Variants in DDX59 observed in about 807,000 individuals in gnomAD.
The protein encoded by DDX59 is DEAD-box helicase 59, also known as probable ATP-dependent RNA helicase DDX59.
A neutral mutation model predicts 51.9 loss-of-function variants in DDX59; 30 were observed. The ratio of observed to expected loss-of-function variants is 0.58; its 90% confidence interval spans 0.43 to 0.78. The LOEUF (loss-of-function observed/expected upper bound fraction) is 0.78. DDX59 is among the 30% of genes least tolerant of loss of function. DDX59 has a pLI of 0.00. For synonymous variants in DDX59, 255 were observed against 253.3 expected (o/e 1.01, Z -0.06); for missense variants, 672 against 730.8 (o/e 0.92, Z 0.93).
At chr1:200,656,937 C>A (rs1040036605) in intron 4 of DDX59, among the ~76,000 whole-genome samples, 2 of 151,908 alleles carry the variant, frequency 1.3e-5, no homozygotes, top group Admixed American at 1.3e-4. Context: ...TGGAAACTAA[C>A]CTTAAAATCC....
At chr1:200,667,923 C>A (rs868731993) in intron 1 of DDX59, among the ~76,000 whole-genome samples, 1 of 151,786 alleles carries the variant, frequency 6.6e-6, no homozygotes, top group East Asian at 1.9e-4. Flanking sequence ...TAGTAATATA[C>A]ATAACATAGC....
At chr1:200,654,162 C>T (rs1424758324) in intron 4 of DDX59, among the ~76,000 whole-genome samples, 2 of 152,152 alleles carry the variant, frequency 1.3e-5, no homozygotes, top group Admixed American at 6.5e-5. Context: ...GCCTGTAATC[C>T]CAGCACTTTG....
downstream of DDX59, among the ~76,000 whole-genome samples, chr1:200,643,642 CAAAACAAAAACA>C (rs920557370): frequency 2.6e-5 from 4 of 151,636 alleles, no homozygotes; most frequent in Non-Finnish European, 2.9e-5. Flanking sequence ...GACTCTGTCT[CAAAACAAAAACA>C]AAAACAAAAA....
chr1:200,663,885 C>A, intron 3 of DDX59, 34 bp downstream of exon 3: 1 of 1,488,146 alleles, frequency 6.7e-7, no homozygotes, highest in Non-Finnish European at 8.9e-7. Flanking sequence ...GCTTACAAAA[C>A]TTTTCAAAGA....
chr1:200,668,684 T>C (rs938580677), intron 1 of DDX59, among the ~76,000 whole-genome samples: 2 of 152,220 alleles, frequency 1.3e-5, no homozygotes, highest in African/African-American at 4.8e-5. Flanking sequence ...CTCCCCTTGT[T>C]TTCCCTCCTT....
intron 1 of DDX59, 128 bp downstream of exon 1, chr1:200,669,639 C>G (rs895576515): frequency 1.3e-5 from 2 of 152,274 alleles, no homozygotes; most frequent in African/African-American, 4.8e-5. Flanking sequence ...GCCTGGGACA[C>G]GGGGAACTGT....
Position 200,665,277 on chromosome 1 carries a change from G to A in DDX59, c.804+660C>T, listed in dbSNP as rs1036373149. ...TCGAGACCAGCCTGACCAATAAGGAGAAACACTGTCTCTACTAAAAATACA... is the reference window on the plus strand; with the variant it reads ...TCGAGACCAGCCTGACCAATAAGGAAAAACACTGTCTCTACTAAAAATACA... On this transcript the variant is annotated intron_variant, in intron 2 of 7. Coordinates refer to ENST00000331314, the MANE Select transcript of DDX59 (RefSeq NM_001031725.6). Among the ~76,000 whole-genome samples the A allele has an allele frequency of 1.6e-4, 25 of 152,176 alleles. 1 individual carries two copies. Among genetic ancestry groups the A allele is most frequent in the African/African-American group, 5.5e-4 (23 of 41,508 alleles).
chr1:200,648,696 G>A, intron 6 of DDX59, 129 bp from the exon 7 acceptor site: 2 of 1,094,724 alleles, frequency 1.8e-6, no homozygotes, highest in Non-Finnish European at 2.5e-6. Context: ...AATAAGTAAA[G>A]GTCATAGTAT....
chr1:200,643,526 C>A (rs890263484), downstream of DDX59, among the ~76,000 whole-genome samples: 5 of 151,940 alleles, frequency 3.3e-5, no homozygotes, highest in African/African-American at 9.7e-5. Flanking sequence ...GCCTGTAGTT[C>A]CAGCTACTTG....
At chr1:200,664,891 T>C (rs968489670) in intron 2 of DDX59, among the ~76,000 whole-genome samples, 5 of 152,132 alleles carry the variant, frequency 3.3e-5, no homozygotes, top group African/African-American at 1.2e-4. Context: ...ACCAGGCCGG[T>C]CTTGAACTCT....
intron 4 of DDX59, chr1:200,654,957 CCT>C (rs1661919392): frequency 6.6e-6 from 1 of 152,170 alleles, no homozygotes; most frequent in African/African-American, 2.4e-5. Flanking sequence ...AGCCCTAGCC[CCT>C]GCCTCTGTTT....
At chr1:200,663,823 A>G in intron 3 of DDX59, 96 bp downstream of exon 3, 1 of 1,297,566 alleles carries the variant, frequency 7.7e-7, no homozygotes. Flanking sequence ...GCTCTCTAAA[A>G]TCATACTTTT....
Position 200,649,124 on chromosome 1 carries a change from T to G in DDX59, c.1417A>C (p.Ile473Leu), listed in dbSNP as rs1276353251. The change falls in exon 6 of 8, where the codon ATA becomes CTA. Residue 473 changes from isoleucine (I) to leucine (L), a missense_variant. Transcript: ENST00000331314. ...AVQKITGLKS[I>L]SIHSEKSQIE... ...TGCGACTTCTCTGAATGTATAGATATGCTTTTCAGCCCTGTGATTTTCTGA... is the reference window on the plus strand; with the variant it reads ...TGCGACTTCTCTGAATGTATAGATAGGCTTTTCAGCCCTGTGATTTTCTGA... The G allele has an allele frequency of 8.8e-6, 14 of 1,587,706 alleles. No homozygotes were observed. The highest frequency in any genetic ancestry group is 1.2e-5 in the Non-Finnish European group (14 of 1,172,556).
downstream of DDX59, among the ~76,000 whole-genome samples, chr1:200,642,726 C>A (rs148805957): frequency 5.1e-4 from 77 of 152,330 alleles, 1 homozygote; most frequent in East Asian, 0.014. Flanking sequence ...GGCTTCTCCC[C>A]TATTGGGTAT....
chr1:200,658,812 T>C (rs545753436), intron 4 of DDX59, among the ~76,000 whole-genome samples: 5 of 152,344 alleles, frequency 3.3e-5, no homozygotes, highest in African/African-American at 1.2e-4. Context: ...TTGTGTTTTC[T>C]GTCAATTAGG....
intron 1 of DDX59, among the ~76,000 whole-genome samples, chr1:200,669,125 C>T (rs1662981265): frequency 6.6e-6 from 1 of 152,164 alleles, no homozygotes; most frequent in Non-Finnish European, 1.5e-5. Flanking sequence ...TTCTTTTCAT[C>T]AACCCATATC....
At chr1:200,652,751 T>C (rs968707832) in intron 4 of DDX59, among the ~76,000 whole-genome samples, 11 of 150,188 alleles carry the variant, frequency 7.3e-5, no homozygotes, top group Admixed American at 7.3e-4. Context: ...TCACTGCAAC[T>C]TCTGCCTCCT....
intron 5 of DDX59, among the ~76,000 whole-genome samples, 168 bp from the exon 6 acceptor site, chr1:200,649,394 C>T (rs947301941): frequency 4.0e-5 from 6 of 151,634 alleles, no homozygotes; most frequent in Admixed American, 1.3e-4. Flanking sequence ...TTTGGGAGAC[C>T]GAGGTGGGCA....
Position 200,663,207 on chromosome 1 carries a change from C to G in DDX59, c.972+712G>C, listed in dbSNP as rs115577999. Among the ~76,000 whole-genome samples the G allele has an allele frequency of 3.1e-3, 471 of 152,330 alleles. 2 individuals carry two copies. Among genetic ancestry groups the G allele is most frequent in the African/African-American group, 0.011 (451 of 41,574 alleles). On this transcript the variant is annotated intron_variant, in intron 3 of 7. Transcript: ENST00000331314. ...GGGTCGCCAGGGCCGCCCTACCACC[C>G]TAGTTAACTAAACAGTTAATGCCCA...
Sources: allele counts gnomAD v4.1 joint callset (sites outside exome capture counted in the v4.1 genomes callset), GRCh38; gene constraint gnomAD v4.1.1; transcripts MANE v1.5; gene names NCBI Gene and HGNC (gene_info 2026-07-23, HGNC 2026-07-21).